The following ZSWIM5 variants were observed in gnomAD, a reference collection of about 807,000 sequenced individuals.
ZSWIM5 encodes the protein zinc finger SWIM domain-containing protein 5.
A neutral mutation model predicts 119.6 loss-of-function variants in ZSWIM5; 55 were observed. The ratio of observed to expected loss-of-function variants is 0.46; its 90% confidence interval spans 0.37 to 0.58. The LOEUF is 0.58. Ranked by LOEUF, ZSWIM5 falls within the 20% of genes least tolerant of loss-of-function variation. The pLI is 0.00. For synonymous variants in ZSWIM5, 537 were observed against 606.9 expected, an observed-to-expected ratio of 0.88 and a Z score of 1.69; for missense variants, 1,193 against 1,512.8, an observed-to-expected ratio of 0.79 and a Z score of 3.51.
chr1:45,059,013 G>A (rs1315347884), intron 3 of ZSWIM5, among the ~76,000 whole-genome samples: 1 of 152,182 alleles, frequency 6.6e-6, no homozygotes, highest in Non-Finnish European at 1.5e-5. Context: ...TGTTGGACAG[G>A]ATGTAAAGAA....
chr1:45,081,546 C>T (rs1360168447), intron 2 of ZSWIM5, among the ~76,000 whole-genome samples: 20 of 152,356 alleles, frequency 1.3e-4, no homozygotes, highest in South Asian at 2.1e-4. Context: ...CTCCTAACCG[C>T]GAGTGATCCG....
chr1:45,042,894 T>A (rs916839045), intron 6 of ZSWIM5, among the ~76,000 whole-genome samples: 1 of 152,220 alleles, frequency 6.6e-6, no homozygotes, highest in African/African-American at 2.4e-5. Flanking sequence ...CAGAGTAGAC[T>A]ATAATGTTGC....
At position 45,018,537 on chromosome 1, in the gene ZSWIM5, A is replaced by G; in HGVS notation, c.3475T>C (p.Phe1159Leu). The G allele has an allele frequency of 6.2e-7, 1 of 1,614,128 alleles. No individual in the cohort carries two copies. Among genetic ancestry groups the G allele is most frequent in the East Asian group, 2.2e-5 (1 of 44,876 alleles). Residue 1159 changes from phenylalanine (F) to leucine (L), a missense_variant, in exon 14 of 14, where the codon TTT (phenylalanine) becomes CTT (leucine). This residue lies in a region of ZSWIM5 where 961 missense variants were observed against 1,290.0 expected (regional missense o/e 0.74). Coordinates refer to ENST00000359600, the MANE Select transcript of ZSWIM5 (RefSeq NM_020883.2). This position sits in a 1 kb window ranked among gnomAD's most constrained non-coding sequence, Gnocchi z 6.7. The stretch of plus-strand genomic sequence containing the variant: ...TTGAGGTTGTCGATGAACTGGGCAA[A>G]CTGCAGGTGGCCATCCTGGGGCAGC... Reference protein sequence around the residue: ...FLLPQDGHLQFAQFIDNLKQI... With the variant: ...FLLPQDGHLQLAQFIDNLKQI...
chr1:45,186,001 C>G (rs946611995), intron 1 of ZSWIM5, among the ~76,000 whole-genome samples: 1 of 151,940 alleles, frequency 6.6e-6, no homozygotes, highest in African/African-American at 2.4e-5. Context: ...GGAACCAACC[C>G]AAATGTCCAA....
intron 1 of ZSWIM5, among the ~76,000 whole-genome samples, chr1:45,109,784 T>A (rs1383012037): frequency 6.6e-6 from 1 of 152,152 alleles, no homozygotes; most frequent in Non-Finnish European, 1.5e-5. Context: ...ATATACTACT[T>A]CTTCAGAAAG....
At chr1:45,205,695 G>A in intron 1 of ZSWIM5, 61 bp downstream of exon 1, 1 of 1,427,104 alleles carries the variant, frequency 7.0e-7, no homozygotes, top group Non-Finnish European at 9.3e-7. Context: ...GGCTCGGGCC[G>A]AGAAGAGGCA....
intron 5 of ZSWIM5, among the ~76,000 whole-genome samples, chr1:45,049,600 C>T (rs1645078052): frequency 6.6e-6 from 1 of 152,064 alleles, no homozygotes; most frequent in Admixed American, 6.5e-5. Flanking sequence ...GGGCAGATCA[C>T]TTGAGGAGTT....
chr1:45,067,213 GTGTTGCT>G (rs1264764284), intron 2 of ZSWIM5, among the ~76,000 whole-genome samples: 7 of 152,132 alleles, frequency 4.6e-5, no homozygotes, highest in Non-Finnish European at 1.0e-4. Flanking sequence ...CAAGGTGGGT[GTGTTGCT>G]TGAGACCAAG....
chr1:45,106,393 AAG>A, intron 1 of ZSWIM5, among the ~76,000 whole-genome samples: 1 of 129,416 alleles, frequency 7.7e-6, no homozygotes, highest in Admixed American at 8.0e-5. Flanking sequence ...CCCATCTGGG[AAG>A]TGAGGAGCGC....
In ZSWIM5 at chr1:45,040,557, A is replaced by C; in HGVS notation, c.1610-19T>G. The C allele has an allele frequency of 6.4e-7, 1 of 1,566,784 alleles. No individual in the cohort carries two copies. The highest frequency in any genetic ancestry group is 1.2e-5 in the South Asian group (1 of 81,564). On this transcript the variant is annotated intron_variant, in intron 6 of 13. Coordinates refer to ENST00000359600, the MANE Select transcript of ZSWIM5 (RefSeq NM_020883.2). ...ACATGCTCTACCAAGTAAGAAGAAG[A>C]TATTTTGGTCTAGTTAAAATTTCAA...
intron 1 of ZSWIM5, among the ~76,000 whole-genome samples, chr1:45,089,909 T>C (rs1429274030): frequency 2.0e-5 from 3 of 152,182 alleles, no homozygotes; most frequent in East Asian, 1.9e-4. Context: ...AATGTTATAG[T>C]AGAGACAGGA....
chr1:45,190,927 A>AATT (rs1646087670), intron 1 of ZSWIM5, among the ~76,000 whole-genome samples: 1 of 48,966 alleles, frequency 2.0e-5, no homozygotes, highest in African/African-American at 9.4e-5. Context: ...AATAGCTGGA[A>AATT]TTTTTTTTTT....
chr1:45,193,984 C>T (rs1646108004), intron 1 of ZSWIM5, among the ~76,000 whole-genome samples: 1 of 148,578 alleles, frequency 6.7e-6, no homozygotes, highest in Non-Finnish European at 1.5e-5. Flanking sequence ...TAGATAAATC[C>T]AAATACATGT....
chr1:45,111,946 A>C (rs1373874638), intron 1 of ZSWIM5, among the ~76,000 whole-genome samples: 1 of 152,306 alleles, frequency 6.6e-6, no homozygotes, highest in Admixed American at 6.5e-5. Flanking sequence ...TGCCTAACAT[A>C]ATGATTGAAA....
intron 11 of ZSWIM5, among the ~76,000 whole-genome samples, chr1:45,028,961 T>C (rs898381484): frequency 6.6e-6 from 1 of 152,074 alleles, no homozygotes; most frequent in African/African-American, 2.4e-5. Context: ...TTTGAAATAA[T>C]TTTACTTACA....
chr1:45,197,859 T>C (rs915193590), intron 1 of ZSWIM5, among the ~76,000 whole-genome samples: 20 of 152,204 alleles, frequency 1.3e-4, no homozygotes, highest in African/African-American at 4.6e-4. Context: ...CAAGAACAAA[T>C]ACCAAATTTA....
intron 1 of ZSWIM5, among the ~76,000 whole-genome samples, chr1:45,117,329 T>G (rs1645564263): frequency 6.6e-6 from 1 of 152,072 alleles, no homozygotes; most frequent in East Asian, 1.9e-4. Context: ...AGAAATCAAA[T>G]CCTATATAAC....
intron 11 of ZSWIM5, among the ~76,000 whole-genome samples, chr1:45,026,426 A>G (rs1410172200): frequency 6.6e-6 from 1 of 151,340 alleles, no homozygotes; most frequent in Non-Finnish European, 1.5e-5. Context: ...TTTTTAAATT[A>G]TGAATGGGTG....
intron 1 of ZSWIM5, among the ~76,000 whole-genome samples, chr1:45,173,338 A>G (rs1369203429): frequency 6.6e-6 from 1 of 152,182 alleles, no homozygotes; most frequent in African/African-American, 2.4e-5. Flanking sequence ...TCTGTACATT[A>G]AAAGTGTGAT....
Sources: gnomAD v4.1 joint callset for allele counts (sites outside exome capture counted in the v4.1 genomes callset) on GRCh38, gnomAD v4.1.1 for gene constraint, gnomAD v4.1.1 regional missense constraint, Gnocchi (gnomAD v3.1) non-coding constraint, MANE v1.5 for transcripts, NCBI Gene and HGNC (gene_info 2026-07-23, HGNC 2026-07-21) for gene names.